The following FHIP1B variants were observed in gnomAD, a reference collection of about 807,000 sequenced individuals.
The protein encoded by FHIP1B is FHF complex subunit HOOK-interacting protein 1B.
Under a neutral mutation model 82.2 loss-of-function variants are expected in FHIP1B, and 28 were observed. The observed-to-expected ratio is 0.34, with a 90% CI of 0.25 to 0.47. FHIP1B has a LOEUF of 0.47. Among genes scored for constraint, FHIP1B ranks in the 20% least tolerant of loss-of-function variants. The pLI is 1.00. For missense variants in FHIP1B, 1,110 were observed against 1,262.6 expected (o/e 0.88, Z 1.83); for synonymous variants, 585 against 516.1 (o/e 1.13, Z -1.81).
chr11:6,216,346 T>C (rs888644996), intron 9 of FHIP1B, among the ~76,000 whole-genome samples: 29 of 152,214 alleles, frequency 1.9e-4, no homozygotes, highest in African/African-American at 7.0e-4. Context: ...AGTGTTTGCC[T>C]TAGTCAACTT....
chr11:6,222,379 A>G (rs1452052673), intron 6 of FHIP1B, 63 bp downstream of exon 6: 1 of 1,582,204 alleles, frequency 6.3e-7, no homozygotes, highest in Non-Finnish European at 8.7e-7. Context: ...ACCCTCCCAG[A>G]ACAAAGGTCA....
chr11:6,212,960 C>G (rs1041143290), intron 11 of FHIP1B, among the ~76,000 whole-genome samples: 10 of 152,210 alleles, frequency 6.6e-5, no homozygotes, highest in African/African-American at 2.4e-4. Context: ...GAAGCCTCCT[C>G]TGATTTGTCT....
intron 6 of FHIP1B, among the ~76,000 whole-genome samples, chr11:6,220,434 C>A (rs996651042): frequency 6.6e-6 from 1 of 152,130 alleles, no homozygotes; most frequent in Admixed American, 6.5e-5. Context: ...AACTGTAAGA[C>A]AATAAATCTG....
At chr11:6,212,700 T>C (rs1373405069) in intron 11 of FHIP1B, among the ~76,000 whole-genome samples, 1 of 152,218 alleles carries the variant, frequency 6.6e-6, no homozygotes, top group Non-Finnish European at 1.5e-5. Context: ...TTCCTACATC[T>C]AATACTGGCT....
chr11:6,223,461 C>G lies in FHIP1B; in HGVS notation c.777+149G>C. On this transcript the variant is annotated intron_variant, in intron 3 of 11. Transcript: ENST00000449352. The surrounding 1 kb of genome is among the most constrained non-coding windows in gnomAD (Gnocchi z 4.8). The stretch of plus-strand genomic sequence containing the variant: ...CATCTAAGCCCATGATTCATCCCCA[C>G]TACAACTCCAGGGGGCTGCTTTCAA... The G allele has an allele frequency of 2.7e-6, 3 of 1,126,660 alleles. No homozygotes were observed. Among genetic ancestry groups the G allele is most frequent in the Non-Finnish European group, 2.5e-6 (2 of 786,834 alleles). The allele number at this position is 1,126,660 out of a possible 1,614,324, so 69.8% of individuals were successfully genotyped here.
At chr11:6,229,892 A>G (rs1876826) in intron 1 of FHIP1B, among the ~76,000 whole-genome samples, 100,933 of 151,282 alleles carry the variant, frequency 0.67, 36,643 homozygotes, top group East Asian at 0.95. Context: ...ACCTAATTAG[A>G]CTCTCTGCAA....
intron 1 of FHIP1B, among the ~76,000 whole-genome samples, chr11:6,226,279 G>C (rs979501928): frequency 6.6e-6 from 1 of 152,124 alleles, no homozygotes; most frequent in Non-Finnish European, 1.5e-5. Context: ...ATAAAGGGAG[G>C]GGCCCAGTCC....
Position 6,218,730 on chromosome 11 carries a change from G to A in FHIP1B, c.1305C>T (p.Ser435=). 6.2e-7 allele frequency: 1 copy of A among 1,614,162 alleles called. No homozygotes were observed. The highest frequency in any genetic ancestry group is 1.1e-5 in the South Asian group (1 of 91,076). ...YLVPCNHVML[S]QKPAVRDVDL... is the part of the protein sequence containing the mutation. ...CCACATCACGAACAGCCGGCTTCTG[G>A]CTCAGCATAACGTGGTTACATGGAA... Residue 435 remains serine (S), a synonymous_variant, in exon 8 of 12, where the codon AGC becomes AGT. Coordinates refer to ENST00000449352, the MANE Select transcript of FHIP1B (RefSeq NM_001098794.2).
At chr11:6,221,049 C>A (rs325619) in intron 6 of FHIP1B, among the ~76,000 whole-genome samples, 113,435 of 152,114 alleles carry the variant, frequency 0.75, 43,285 homozygotes, top group East Asian at 0.96. Context: ...CAAAGATTCA[C>A]GAAATCTGAG....
chr11:6,215,155 C>A, intron 9 of FHIP1B: 1 of 374,568 alleles, frequency 2.7e-6, no homozygotes, highest in Non-Finnish European at 4.8e-6. Context: ...AGATCTTAGG[C>A]TCTGGACTCT....
At position 6,223,751 on chromosome 11, in the gene FHIP1B, GAGA is replaced by G. The variant is rs750730434; in HGVS notation, c.633_635del (p.Leu212del). On this transcript the variant is annotated inframe_deletion, in exon 3 of 12. Coordinates refer to ENST00000449352, the MANE Select transcript of FHIP1B (RefSeq NM_001098794.2). The surrounding 1 kb of genome is among the most constrained non-coding windows in gnomAD (Gnocchi z 4.8). ...GCACAAAAGGGACAAGGCGAGAAAAGAGAAGAAGACGGGGAGCGGCTCCAGGCT... is the reference window on the plus strand; with the variant it reads ...GCACAAAAGGGACAAGGCGAGAAAAGAGAAGACGGGGAGCGGCTCCAGGCT... The G allele has an allele frequency of 5.6e-6, 9 of 1,614,244 alleles. No individual in the cohort carries two copies. The highest frequency in any genetic ancestry group is 1.3e-5 in the African/African-American group (1 of 75,072).
chr11:6,214,367 C>T (rs1847162772), intron 11 of FHIP1B, 44 bp downstream of exon 11: 2 of 1,550,654 alleles, frequency 1.3e-6, no homozygotes, highest in East Asian at 2.3e-5. Flanking sequence ...GGTTAATAGG[C>T]TATCTAGGGA....
chr11:6,224,274 A>T, intron 2 of FHIP1B, 26 bp from the exon 3 acceptor site: 3 of 1,612,992 alleles, frequency 1.9e-6, no homozygotes, highest in Non-Finnish European at 2.5e-6. Context: ...AGAAGATGGA[A>T]GGAATCTAAA....
intron 11 of FHIP1B, among the ~76,000 whole-genome samples, chr11:6,212,236 T>C (rs1228805994): frequency 1.3e-5 from 2 of 152,168 alleles, no homozygotes; most frequent in Admixed American, 6.5e-5. Flanking sequence ...CCTCTCACCC[T>C]GACGAATTCT....
Position 6,217,381 on chromosome 11 carries a change from C to G in FHIP1B, c.2205G>C (p.Gln735His), listed in dbSNP as rs768573102. The G allele has an allele frequency of 6.2e-7, 1 of 1,614,054 alleles. No homozygotes were observed. Among genetic ancestry groups the G allele is most frequent in the Non-Finnish European group, 8.5e-7 (1 of 1,180,008 alleles). Residue 735 changes from glutamine (Q) to histidine (H), a missense_variant, in exon 9 of 12, where the codon CAG becomes CAC. Physicochemically the swap from Gln to His is conservative, Grantham distance 24 (BLOSUM62 0). Coordinates refer to ENST00000449352, the MANE Select transcript of FHIP1B (RefSeq NM_001098794.2). Reference sequence around the variant, plus strand: ...GGCTAAGTAGCTTACCAGTGAAGGGCTGGCTTGGCAGCTGGTTGAGAGTCC... The same window carrying G: ...GGCTAAGTAGCTTACCAGTGAAGGGGTGGCTTGGCAGCTGGTTGAGAGTCC... Reference protein sequence around the residue: ...PLRTLNQLPSQPFTGPFMAVL... With the variant: ...PLRTLNQLPSHPFTGPFMAVL...
At position 6,211,725 on chromosome 11, in the gene FHIP1B, A is replaced by C. The variant is rs751827058; in HGVS notation, c.2700T>G (p.Ala900=). The C allele has an allele frequency of 6.2e-7, 1 of 1,614,230 alleles. No individual in the cohort carries two copies. The highest frequency in any genetic ancestry group is 1.1e-5 in the South Asian group (1 of 91,088). The part of the protein sequence containing the change: ...GLGLSGGSPG[A]STPVLLTRGG... Reference sequence around the variant, plus strand: ...CCCGGGTGAGTAGAACTGGAGTTGAAGCCCCAGGGGAGCCCCCACTTAGGC... The same window carrying C: ...CCCGGGTGAGTAGAACTGGAGTTGACGCCCCAGGGGAGCCCCCACTTAGGC... Residue 900 remains alanine, a synonymous_variant, in exon 12 of 12, where the codon GCT becomes GCG. Coordinates refer to ENST00000449352, the MANE Select transcript of FHIP1B (RefSeq NM_001098794.2).
intron 10 of FHIP1B, 36 bp downstream of exon 10, chr11:6,214,697 A>G: frequency 6.5e-7 from 1 of 1,548,156 alleles, no homozygotes; most frequent in Non-Finnish European, 8.7e-7. Flanking sequence ...CCCACCACGG[A>G]GCCTGGACGC....
chr11:6,226,883 G>C (rs1847579234), intron 1 of FHIP1B, among the ~76,000 whole-genome samples: 1 of 152,224 alleles, frequency 6.6e-6, no homozygotes, highest in African/African-American at 2.4e-5. Context: ...AGCAGAGAGA[G>C]ATGGATTGCA....
chr11:6,226,377 A>T (rs1256227253), intron 1 of FHIP1B, among the ~76,000 whole-genome samples: 1 of 152,268 alleles, frequency 6.6e-6, no homozygotes, highest in Non-Finnish European at 1.5e-5. Flanking sequence ...CACTGGAAAT[A>T]ACAAAGATGG....
Sources: gnomAD v4.1 joint callset for allele counts (sites outside exome capture counted in the v4.1 genomes callset) on GRCh38, gnomAD v4.1.1 for gene constraint, Gnocchi (gnomAD v3.1) non-coding constraint, MANE v1.5 for transcripts, NCBI Gene and HGNC (gene_info 2026-07-23, HGNC 2026-07-21) for gene names.